UGT2B10: variants seen among roughly 807,000 people sequenced by gnomAD.
The protein encoded by UGT2B10 is UDP glucuronosyltransferase family 2 member B10.
UGT2B10 carries 51 observed loss-of-function variants against 43.7 expected under a neutral mutation model. The observed-to-expected ratio is 1.17, with a 90% CI of 0.93 to 1.47. UGT2B10 has a LOEUF of 1.47. UGT2B10 is among the 40% of genes most tolerant of loss of function. The pLI, the probability that UGT2B10 is intolerant of heterozygous loss-of-function variation, is 0.00. For synonymous variants in UGT2B10, 225 were observed against 209.0 expected (o/e 1.08, Z -0.66); for missense variants, 696 against 617.7 (o/e 1.13, Z -1.34).
chr4:68,817,055 G>A (rs916420052), intron 1 of UGT2B10, among the ~76,000 whole-genome samples: 7 of 151,722 alleles, frequency 4.6e-5, no homozygotes, highest in Non-Finnish European at 7.4e-5. Flanking sequence ...AGCAAGATCC[G>A]TCAAGTAACA....
chr4:68,820,029 G>A (rs1313463785), intron 2 of UGT2B10, among the ~76,000 whole-genome samples: 1 of 151,946 alleles, frequency 6.6e-6, no homozygotes, highest in African/African-American at 2.4e-5. Context: ...GACAAAAGTT[G>A]AGGTAAGACT....
chr4:68,825,612 T>C (rs1468339369), intron 3 of UGT2B10, among the ~76,000 whole-genome samples: 1 of 152,092 alleles, frequency 6.6e-6, no homozygotes, highest in Non-Finnish European at 1.5e-5. Context: ...ATTCCTATGT[T>C]AGTTTGCTAA....
In UGT2B10 at chr4:68,816,594, A is replaced by G. The variant is rs375214752; in HGVS notation, c.575A>G (p.Tyr192Cys). ...HSGGFIFPPSYVPVVMSKLSD... is the reference protein window; with the variant it reads ...HSGGFIFPPSCVPVVMSKLSD... ...GGAGGATTTATTTTCCCTCCTTCCT[A>G]CGTACCTGTTGTTATGTCAAAATTA... The change falls in exon 1 of 6, where the codon TAC (tyrosine) becomes TGC (cysteine). Residue 192 changes from tyrosine to cysteine, a missense_variant. Coordinates refer to ENST00000265403, the MANE Select transcript of UGT2B10 (RefSeq NM_001075.6). The G allele has an allele frequency of 6.2e-7, 1 of 1,612,972 alleles. No individual in the cohort carries two copies. Among genetic ancestry groups the G allele is most frequent in the Non-Finnish European group, 8.5e-7 (1 of 1,179,304 alleles).
Position 68,816,745 on chromosome 4 carries a change from TTTTTTC to T in UGT2B10, c.718+9_718+14del. The T allele has an allele frequency of 6.3e-7, 1 of 1,576,334 alleles. No individual in the cohort carries two copies. The highest frequency in any genetic ancestry group is 8.6e-7 in the Non-Finnish European group (1 of 1,162,368). On this transcript the variant is annotated intron_variant, in intron 1 of 5. Coordinates refer to ENST00000265403, the MANE Select transcript of UGT2B10 (RefSeq NM_001075.6). ...TTTACAGTGAAGTTTTAGGTAAGAT[TTTTTTC>T]AATTAGTAACATGAAGCTCTAACTT...
At chr4:68,822,201 C>A in intron 2 of UGT2B10, 70 bp from the exon 3 acceptor site, 1 of 1,573,164 alleles carries the variant, frequency 6.4e-7, no homozygotes, top group Non-Finnish European at 8.6e-7. Context: ...ATATTTTGTA[C>A]CAATTCTTTC....
Position 68,830,628 on chromosome 4 carries a change from A to T in UGT2B10, c.1336A>T (p.Arg446Ter), listed in dbSNP as rs772097002. 2.2e-4 allele frequency: 353 copies of T among 1,612,498 alleles called. No individual in the cohort carries two copies. The highest frequency in any genetic ancestry group is 2.9e-4 in the Non-Finnish European group (346 of 1,179,232). The change falls in exon 6 of 6, where the codon AGA (arginine) becomes TGA (stop). Residue 446 changes from arginine to a stop codon, truncating the protein, a stop_gained. Coordinates refer to ENST00000265403, the MANE Select transcript of UGT2B10 (RefSeq NM_001075.6). LOFTEE classifies it low-confidence loss of function (END_TRUNC). ...SYKENIMKLS[R>*]IQHDQPVKPL... ...TAAAGAGAATATTATGAAATTATCA[A>T]GAATTCAACATGATCAACCAGTGAA...
At chr4:68,827,289 A>G in intron 4 of UGT2B10, 40 bp from the exon 5 acceptor site, 1 of 1,611,462 alleles carries the variant, frequency 6.2e-7, no homozygotes, top group Non-Finnish European at 8.5e-7. Context: ...ATCTCATTTT[A>G]TTCCTATGAA....
intron 5 of UGT2B10, among the ~76,000 whole-genome samples, chr4:68,829,190 A>G (rs552900392): frequency 2.5e-4 from 38 of 152,204 alleles, no homozygotes; most frequent in Admixed American, 8.5e-4. Flanking sequence ...ACAGCAATGG[A>G]ATTACCCAAG....
At chr4:68,829,701 G>T (rs763126857) in intron 5 of UGT2B10, among the ~76,000 whole-genome samples, 1 of 151,876 alleles carries the variant, frequency 6.6e-6, no homozygotes, top group Non-Finnish European at 1.5e-5. Flanking sequence ...CTCCAAGAGC[G>T]GGAGAGAAGG....
At chr4:68,826,594 G>T in intron 4 of UGT2B10, 97 bp downstream of exon 4, 1 of 1,392,250 alleles carries the variant, frequency 7.2e-7, no homozygotes, top group Non-Finnish European at 9.7e-7. Context: ...TTTGTTATAG[G>T]AAAACAAAAA....
chr4:68,817,728 ATAAAT>A (rs1366123056), intron 1 of UGT2B10, among the ~76,000 whole-genome samples: 1 of 151,804 alleles, frequency 6.6e-6, no homozygotes, highest in Non-Finnish European at 1.5e-5. Flanking sequence ...TAAAGAGAAA[ATAAAT>A]TGATGTTTAA....
At chr4:68,826,554 T>G (rs1186689126) in intron 4 of UGT2B10, 57 bp downstream of exon 4, 1 of 1,539,000 alleles carries the variant, frequency 6.5e-7, no homozygotes, top group Non-Finnish European at 8.8e-7. Context: ...AGAGTGTTAA[T>G]AGTTCATCTC....
intron 5 of UGT2B10, among the ~76,000 whole-genome samples, chr4:68,829,466 T>C (rs544081429): frequency 4.2e-4 from 64 of 152,234 alleles, no homozygotes; most frequent in African/African-American, 1.4e-3. Context: ...TCACTTAGTG[T>C]ACGTATATTT....
At chr4:68,817,072 C>T (rs979257744) in intron 1 of UGT2B10, among the ~76,000 whole-genome samples, 11 of 151,666 alleles carry the variant, frequency 7.3e-5, no homozygotes, top group Non-Finnish European at 8.9e-5. Flanking sequence ...AACATCTAAC[C>T]GAATGCATAG....
chr4:68,823,158 G>C (rs965072042), intron 3 of UGT2B10, among the ~76,000 whole-genome samples: 1 of 152,038 alleles, frequency 6.6e-6, no homozygotes, highest in African/African-American at 2.4e-5. Flanking sequence ...AATAATAACT[G>C]GCATATGTGG....
chr4:68,822,143 T>C (rs1737532603), intron 2 of UGT2B10, 128 bp from the exon 3 acceptor site: 5 of 1,384,162 alleles, frequency 3.6e-6, no homozygotes, highest in Non-Finnish European at 4.9e-6. Flanking sequence ...AGTTAAAAAA[T>C]ATTATTTACT....
chr4:68,826,318 C>T, intron 3 of UGT2B10, 92 bp from the exon 4 acceptor site: 2 of 1,351,426 alleles, frequency 1.5e-6, no homozygotes, highest in East Asian at 2.4e-5. Context: ...TACTAACATC[C>T]CTTGATTTCA....
At chr4:68,819,737 G>A (rs1050574649) in intron 2 of UGT2B10, among the ~76,000 whole-genome samples, 1 of 151,854 alleles carries the variant, frequency 6.6e-6, no homozygotes, top group Non-Finnish European at 1.5e-5. Context: ...AATAATTTCT[G>A]CCACTTGTTT....
At chr4:68,824,308 TGAAAAG>T (rs1737660006) in intron 3 of UGT2B10, among the ~76,000 whole-genome samples, 1 of 151,964 alleles carries the variant, frequency 6.6e-6, no homozygotes, top group South Asian at 2.1e-4. Flanking sequence ...AGCAGGCAGG[TGAAAAG>T]GAAAAGGTGC....
Sources: gnomAD v4.1 joint callset for allele counts (sites outside exome capture counted in the v4.1 genomes callset) on GRCh38, gnomAD v4.1.1 for gene constraint, MANE v1.5 for transcripts, NCBI Gene and HGNC (gene_info 2026-07-23, HGNC 2026-07-21) for gene names.